The following SLC9A9 variants were observed in gnomAD, a reference collection of about 807,000 sequenced individuals.
SLC9A9 encodes the protein sodium/hydrogen exchanger 9.
SLC9A9 carries 62 observed loss-of-function variants against 77.8 expected under a neutral mutation model. The ratio of observed to expected loss-of-function variants is 0.80; its 90% CI spans 0.65 to 0.98. SLC9A9 has a LOEUF of 0.98. SLC9A9 is among the 50% of genes least tolerant of loss of function. SLC9A9 has a pLI of 0.00. For synonymous variants in SLC9A9, 320 were observed against 283.5 expected (o/e 1.13, Z -1.29); for missense variants, 775 against 774.9 (o/e 1.00, Z 0.00).
At chr3:143,411,555 C>A (rs1009024379) in intron 12 of SLC9A9, among the ~76,000 whole-genome samples, 5 of 152,168 alleles carry the variant, frequency 3.3e-5, no homozygotes, top group African/African-American at 1.2e-4. Flanking sequence ...CAGCAGTGAG[C>A]ATTCATTTTT....
At chr3:143,542,251 C>A (rs910767712) in intron 9 of SLC9A9, among the ~76,000 whole-genome samples, 2 of 152,134 alleles carry the variant, frequency 1.3e-5, no homozygotes, top group Non-Finnish European at 2.9e-5. Flanking sequence ...AACACTTTGC[C>A]ATCATTTATA....
intron 4 of SLC9A9, among the ~76,000 whole-genome samples, chr3:143,737,488 A>C (rs934239156): frequency 8.4e-6 from 1 of 119,654 alleles, no homozygotes; most frequent in African/African-American, 3.8e-5. Context: ...AAAAAAAACC[A>C]AAAAAAAAAC....
intron 6 of SLC9A9, among the ~76,000 whole-genome samples, chr3:143,618,325 A>G (rs2038142003): frequency 1.3e-5 from 2 of 152,222 alleles, no homozygotes; most frequent in Non-Finnish European, 2.9e-5. Flanking sequence ...GGAGGAGTAT[A>G]GAGAGGGTCT....
intron 4 of SLC9A9, among the ~76,000 whole-genome samples, chr3:143,768,453 G>C (rs1365078423): frequency 6.6e-6 from 1 of 152,150 alleles, no homozygotes; most frequent in Non-Finnish European, 1.5e-5. Context: ...GGTATGAGAT[G>C]TACCACATTT....
chr3:143,505,642 TTTCA>T, intron 9 of SLC9A9, among the ~76,000 whole-genome samples: 1 of 152,342 alleles, frequency 6.6e-6, no homozygotes, highest in East Asian at 1.9e-4. Context: ...GTCTCGTATA[TTTCA>T]TTGTCTTCTT....
chr3:143,832,333 A>ATAACC (rs1456241443), intron 1 of SLC9A9, 112 bp from the exon 2 acceptor site: 2 of 913,756 alleles, frequency 2.2e-6, no homozygotes. Context: ...GTGTTGGGTT[A>ATAACC]TTGCCTGGTC....
intron 11 of SLC9A9, 43 bp downstream of exon 11, chr3:143,493,610 G>T: frequency 6.5e-7 from 1 of 1,543,950 alleles, no homozygotes; most frequent in Non-Finnish European, 9.0e-7. Flanking sequence ...CTGTAAAATT[G>T]TGAGAAAACC....
At chr3:143,798,564 T>G (rs2008456435) in intron 2 of SLC9A9, among the ~76,000 whole-genome samples, 1 of 152,122 alleles carries the variant, frequency 6.6e-6, no homozygotes, top group Admixed American at 6.5e-5. Flanking sequence ...CTCAAGAACT[T>G]AAAACCTCTT....
chr3:143,620,140 TA>T lies in SLC9A9; in HGVS notation c.755+32114del, dbSNP rs2038176094. On this transcript the variant is annotated intron_variant, in intron 6 of 15. Transcript: ENST00000316549. ...TCATTTGCAGGGAGAATCCTACCTT[TA>T]AAAGACTTTTTTGATCTATTTCATT... Among the ~76,000 whole-genome samples the T allele has an allele frequency of 2.0e-5, 3 of 152,310 alleles. No individual in the cohort carries two copies. The South Asian group carries it at 6.2e-4, about 32-fold the overall frequency.
intron 14 of SLC9A9, among the ~76,000 whole-genome samples, chr3:143,305,059 G>A (rs908522002): frequency 6.6e-6 from 1 of 152,104 alleles, no homozygotes; most frequent in Non-Finnish European, 1.5e-5. Context: ...TTGAGAAAAT[G>A]ATTCCCTTCC....
intron 2 of SLC9A9, chr3:143,811,810 C>T (rs1273602735): frequency 2.3e-6 from 1 of 432,912 alleles, no homozygotes; most frequent in Non-Finnish European, 4.6e-6. Flanking sequence ...TGCAGTGAGC[C>T]AGGATTGCAT....
Position 143,578,704 on chromosome 3 carries a change from G to A in SLC9A9, c.775C>T (p.Pro259Ser). The A allele has an allele frequency of 1.2e-6, 2 of 1,614,014 alleles. No individual in the cohort carries two copies. The highest frequency in any genetic ancestry group is 1.7e-6 in the Non-Finnish European group (2 of 1,179,918). ...TCAAATGCATTTGGATTCTCCTTGG[G>A]ACTGTAAATGGATATAGAACTGAAA... ...VLTYSISIYS[P>S]KENPNAFDAA... The change falls in exon 7 of 16, where the codon CCC becomes TCC. Residue 259 changes from proline to serine, a missense_variant. Pro to Ser is a moderately conservative substitution (Grantham distance 74). Transcript: ENST00000316549.
chr3:143,835,969 T>C (rs143741336), intron 1 of SLC9A9, among the ~76,000 whole-genome samples: 268 of 152,306 alleles, frequency 1.8e-3, no homozygotes, highest in African/African-American at 6.3e-3. Flanking sequence ...TCTAGATGTA[T>C]CCCCTGCTTC....
At chr3:143,696,483 C>G (rs1170210859) in intron 4 of SLC9A9, among the ~76,000 whole-genome samples, 1 of 152,162 alleles carries the variant, frequency 6.6e-6, no homozygotes, top group East Asian at 1.9e-4. Context: ...TAACTGTTAT[C>G]TACATTACTT....
At chr3:143,565,771 T>G (rs139480056) in intron 8 of SLC9A9, among the ~76,000 whole-genome samples, 2 of 152,158 alleles carry the variant, frequency 1.3e-5, no homozygotes, top group East Asian at 3.9e-4. Flanking sequence ...GGTGAATTGT[T>G]GGTTAAGTTG....
At chr3:143,572,610 C>G (rs1410792805) in intron 8 of SLC9A9, among the ~76,000 whole-genome samples, 2 of 152,146 alleles carry the variant, frequency 1.3e-5, no homozygotes, top group African/African-American at 4.8e-5. Flanking sequence ...AATAAAGTGG[C>G]AATGCACTAA....
rs371420592 is a variant in SLC9A9, at chr3:143,488,245, A to T, written c.1315+5408T>A. Among the ~76,000 whole-genome samples the T allele has an allele frequency of 1.4e-4, 21 of 152,100 alleles. No individual in the cohort carries two copies. In the South Asian group the frequency reaches 3.9e-3, roughly 29 times the overall value. The stretch of plus-strand genomic sequence containing the variant: ...AATTAGACCTACAACTAATAAGAAG[A>T]TTCAATCAGTAATCAAAAATCTCCT... On this transcript the variant is annotated intron_variant, in intron 11 of 15. Coordinates refer to ENST00000316549, the MANE Select transcript of SLC9A9 (RefSeq NM_173653.4).
intron 6 of SLC9A9, among the ~76,000 whole-genome samples, chr3:143,606,287 C>T (rs984163777): frequency 6.6e-5 from 10 of 151,518 alleles, no homozygotes; most frequent in African/African-American, 2.4e-4. Flanking sequence ...CGCCTATAAC[C>T]CCAGCTACTC....
At chr3:143,589,902 G>GCC (rs2037618037) in intron 6 of SLC9A9, among the ~76,000 whole-genome samples, 4 of 152,068 alleles carry the variant, frequency 2.6e-5, no homozygotes, top group Non-Finnish European at 5.9e-5. Flanking sequence ...ATAGACTGAG[G>GCC]CAAAGTCCAC....
Sources: allele counts gnomAD v4.1 joint callset (sites outside exome capture counted in the v4.1 genomes callset), GRCh38; gene constraint gnomAD v4.1.1; transcripts MANE v1.5; gene names NCBI Gene and HGNC (gene_info 2026-07-23, HGNC 2026-07-21).